The following CASP9 variants were observed in gnomAD, a reference collection of about 807,000 sequenced individuals.
The protein encoded by CASP9 is caspase 9, also known as caspase-9.
A neutral mutation model predicts 43.5 loss-of-function variants in CASP9; 29 were observed. That is an observed-to-expected ratio of 0.67 (90% CI 0.50 to 0.91). The LOEUF (loss-of-function observed/expected upper bound fraction) is 0.91, where lower values mean the gene tolerates loss of function less well. CASP9 is among the 40% of genes least tolerant of loss of function. The pLI, the probability that CASP9 is intolerant of heterozygous loss-of-function variation, is 0.00. For missense variants in CASP9, 575 were observed against 537.4 expected, an observed-to-expected ratio of 1.07 and a Z score of -0.69; for synonymous variants, 206 against 211.9, an observed-to-expected ratio of 0.97 and a Z score of 0.24.
At position 15,518,189 on chromosome 1, in the gene CASP9, T is replaced by A; in HGVS notation, c.339A>T (p.Pro113=). Residue 113 remains proline, a synonymous_variant, in exon 2 of 9, where the codon CCA becomes CCT. Transcript: ENST00000333868. ...LENLTPVVLR[P]EIRKPEVLRP... is the part of the protein sequence containing the mutation. ...TGAGAACCTCTGGTTTGCGAATCTC[T>A]GGTCTGAGCACCACTGGGGTAAGGT... 6.2e-7 allele frequency: 1 copy of A among 1,614,216 alleles called. No homozygotes were observed.
chr1:15,524,728 T>C (rs1314553793), upstream of CASP9: 1 of 1,013,994 alleles, frequency 9.9e-7, no homozygotes, highest in Non-Finnish European at 1.2e-6. Flanking sequence ...GGGTCAATTC[T>C]GGGGTCACCG....
At chr1:15,524,312 C>A, upstream of CASP9, 5 of 1,457,740 alleles carry the variant, frequency 3.4e-6, no homozygotes, top group East Asian at 1.1e-4. Flanking sequence ...CGCGTCACGG[C>A]CCCGGGTCAG....
chr1:15,504,906 A>T (rs1709461660), intron 5 of CASP9, 148 bp from the exon 6 acceptor site: 4 of 710,934 alleles, frequency 5.6e-6, no homozygotes, highest in Non-Finnish European at 9.2e-6. Context: ...GGTTCTGGAA[A>T]GACCCTGGTC....
chr1:15,503,551 C>T (rs1265808952), intron 6 of CASP9, among the ~76,000 whole-genome samples: 1 of 152,202 alleles, frequency 6.6e-6, no homozygotes, highest in Non-Finnish European at 1.5e-5. Flanking sequence ...AACGCACAGC[C>T]TGGTATATAC....
At chr1:15,515,025 T>G (rs541039556) in intron 2 of CASP9, among the ~76,000 whole-genome samples, 1 of 151,806 alleles carries the variant, frequency 6.6e-6, no homozygotes, top group South Asian at 2.1e-4. Flanking sequence ...AATAATAAAG[T>G]AAAAAAAATT....
chr1:15,517,069 T>A (rs1173949025), intron 2 of CASP9, among the ~76,000 whole-genome samples: 1 of 152,180 alleles, frequency 6.6e-6, no homozygotes, highest in Admixed American at 6.5e-5. Context: ...ATTACTATTA[T>A]GATTATTAAC....
rs758516843 is a variant in CASP9, at chr1:15,504,646, T to C, written c.833A>G (p.Lys278Arg). The change falls in exon 6 of 9, where the codon AAG (lysine) becomes AGG (arginine). Residue 278 changes from lysine (K) to arginine (R), a missense_variant. Physicochemically the swap from Lys to Arg is conservative, Grantham distance 26. Transcript: ENST00000333868. Reference protein sequence around the residue: ...NGTSCPSLGGKPKLFFIQACG... With the variant: ...NGTSCPSLGGRPKLFFIQACG... Reference sequence around the variant, plus strand: ...GGCCTGGATGAAAAAGAGCTTGGGCTTCCCTCCCAGGCTGGGGCAGCTGGT... The same window carrying C: ...GGCCTGGATGAAAAAGAGCTTGGGCCTCCCTCCCAGGCTGGGGCAGCTGGT... 21 of 1,613,978 alleles carry C rather than the reference T, an allele frequency of 1.3e-5. No individual in the cohort carries two copies. The African/African-American group carries it at 2.8e-4, about 22-fold the overall frequency.
At chr1:15,517,743 C>T (rs1436809522) in intron 2 of CASP9, among the ~76,000 whole-genome samples, 2 of 152,078 alleles carry the variant, frequency 1.3e-5, no homozygotes, top group Non-Finnish European at 2.9e-5. Context: ...TGAGGCCTGT[C>T]TCCTGCCCCC....
intron 1 of CASP9, among the ~76,000 whole-genome samples, chr1:15,523,016 A>G (rs570430859): frequency 6.6e-6 from 1 of 152,348 alleles, no homozygotes; most frequent in Non-Finnish European, 1.5e-5. Flanking sequence ...GGCCAGGGAT[A>G]TCCAGCCAGC....
At chr1:15,515,867 G>A (rs1316627005) in intron 2 of CASP9, among the ~76,000 whole-genome samples, 1 of 152,130 alleles carries the variant, frequency 6.6e-6, no homozygotes, top group African/African-American at 2.4e-5. Flanking sequence ...GGCAGCCTGG[G>A]CAACACGGTA....
chr1:15,502,409 C>T (rs1209616104), intron 6 of CASP9, among the ~76,000 whole-genome samples: 3 of 152,074 alleles, frequency 2.0e-5, no homozygotes, highest in African/African-American at 7.2e-5. Context: ...TCACTTGAAC[C>T]CAACAGTTCA....
intron 1 of CASP9, among the ~76,000 whole-genome samples, chr1:15,521,351 G>C (rs989158390): frequency 4.6e-5 from 7 of 151,796 alleles, no homozygotes; most frequent in African/African-American, 1.5e-4. Context: ...CTTGTGGGAG[G>C]CTGGATATTA....
At chr1:15,522,735 A>G (rs1448000946) in intron 1 of CASP9, among the ~76,000 whole-genome samples, 3 of 152,148 alleles carry the variant, frequency 2.0e-5, no homozygotes, top group Non-Finnish European at 4.4e-5. Context: ...AGATGTGGCA[A>G]TACTGGGCCA....
chr1:15,508,033 G>T, intron 2 of CASP9, 126 bp from the exon 3 acceptor site: 1 of 882,892 alleles, frequency 1.1e-6, no homozygotes, highest in Non-Finnish European at 1.8e-6. Context: ...CTCTGCTGGT[G>T]GGAGAGCCAC....
intron 2 of CASP9, among the ~76,000 whole-genome samples, chr1:15,511,903 T>C (rs749757828): frequency 2.2e-4 from 33 of 151,834 alleles, no homozygotes; most frequent in Non-Finnish European, 4.4e-4. Flanking sequence ...TCCCCAGCCC[T>C]TGGCAATTTA....
intron 6 of CASP9, among the ~76,000 whole-genome samples, chr1:15,503,925 T>A (rs1473164936): frequency 3.9e-5 from 6 of 152,208 alleles, no homozygotes; most frequent in South Asian, 2.1e-4. Context: ...CCTCTTTTTT[T>A]ATAAGAAAAT....
rs4645997 is a variant in CASP9 at position 15,522,247 on chromosome 1, A to C, written c.132+1822T>G. The stretch of plus-strand genomic sequence containing the variant: ...CAACTTGCTAATATGTAACAAGGCC[A>C]GGATGAGAGCCCAGATCCAACTGGT... On this transcript the variant is annotated intron_variant, in intron 1 of 8. Transcript: ENST00000333868. Among the ~76,000 whole-genome samples the C allele has an allele frequency of 4.0e-3, 614 of 152,374 alleles. 4 individuals carry two copies. The highest frequency in any genetic ancestry group is 0.014 in the African/African-American group (591 of 41,586).
Position 15,524,179 on chromosome 1 carries a change from G to A in CASP9, c.22C>T (p.Leu8Phe). The stretch of plus-strand genomic sequence containing the variant: ...AGCCGCAGCCGGCACCGCCGCAGGA[G>A]CCGCCGATCCGCTTCGTCCATGGCG... MDEADRR[L>F]LRRCRLRLVE... The change falls in exon 1 of 9, where the codon CTC becomes TTC. Residue 8 changes from leucine (L) to phenylalanine (F), a missense_variant. Transcript: ENST00000333868. 1 of 1,543,700 alleles carries A rather than the reference G, an allele frequency of 6.5e-7. No homozygotes were observed. Among genetic ancestry groups the A allele is most frequent in the Non-Finnish European group, 8.7e-7 (1 of 1,149,570 alleles).
intron 1 of CASP9, among the ~76,000 whole-genome samples, chr1:15,518,619 T>C (rs1710053565): frequency 6.6e-6 from 1 of 152,360 alleles, no homozygotes. Context: ...AATGCTGCCA[T>C]GGACAGTCTC....
Sources: allele counts gnomAD v4.1 joint callset (sites outside exome capture counted in the v4.1 genomes callset), GRCh38; gene constraint gnomAD v4.1.1; transcripts MANE v1.5; gene names NCBI Gene and HGNC (gene_info 2026-07-23, HGNC 2026-07-21).